The following ZNF462 variants were observed in gnomAD, a reference collection of about 807,000 sequenced individuals.
ZNF462 encodes the protein zinc finger protein 462, also known as zinc finger PBX1-interacting protein.
ZNF462 carries 10 observed loss-of-function variants against 201.9 expected under a neutral mutation model. The observed-to-expected ratio is 0.05, with a 90% CI of 0.03 to 0.08. The LOEUF is 0.08. Among genes scored for constraint, ZNF462 ranks in the 10% least tolerant of loss-of-function variants. ZNF462 has a pLI of 1.00. For synonymous variants in ZNF462, 1,227 were observed against 1,193.3 expected (o/e 1.03, Z -0.58); for missense variants, 2,523 against 3,168.3 (o/e 0.80, Z 4.89).
intron 1 of ZNF462, among the ~76,000 whole-genome samples, chr9:106,867,666 G>T (rs1372181233): frequency 6.6e-6 from 1 of 151,962 alleles, no homozygotes; most frequent in African/African-American, 2.4e-5. Flanking sequence ...ATGGACTTTA[G>T]AGTACTTGTG....
chr9:106,908,935 ATATATATTTTTTTTTTTTTTTTTTTTTTT>A (rs1829413494), intron 1 of ZNF462, among the ~76,000 whole-genome samples: 1 of 31,390 alleles, frequency 3.2e-5, no homozygotes, highest in Non-Finnish European at 5.3e-5. Flanking sequence ...ATATATATAT[ATATATATTTTTTTTTTTTTTTTTTTTTTT>A]TTTTTTTTTT....
chr9:106,964,372 T>C lies in ZNF462; in HGVS notation c.6428-7633T>C, dbSNP rs562499959. On this transcript the variant is annotated intron_variant, in intron 7 of 12. Transcript: ENST00000277225. ...AATCACCATCCTAACTAGGGAATCC[T>C]TTTCAAAATGCCTTAAGCATTTTAA... 2.6e-5 allele frequency among the ~76,000 whole-genome samples: 4 copies of C among 152,176 alleles called. No individual in the cohort carries two copies. The East Asian group carries it at 7.7e-4, about 29-fold the overall frequency.
At chr9:106,939,217 C>A in intron 7 of ZNF462, 110 bp downstream of exon 7, 2 of 1,149,114 alleles carry the variant, frequency 1.7e-6, no homozygotes, top group South Asian at 1.8e-5. Context: ...CATGATGGTT[C>A]AAGTGAAGGA....
At position 106,977,776 on chromosome 9, in the gene ZNF462, C is replaced by T. The variant is rs1827127114; in HGVS notation, c.6832+3503C>T. 6.6e-6 allele frequency among the ~76,000 whole-genome samples: 1 copy of T among 151,506 alleles called. No individual in the cohort carries two copies. Among genetic ancestry groups the T allele is most frequent in the Admixed American group, 6.6e-5 (1 of 15,258 alleles). On this transcript the variant is annotated intron_variant, in intron 9 of 12. Transcript: ENST00000277225. The surrounding 1 kb of genome is among the most constrained non-coding windows in gnomAD (Gnocchi z 4.6). ...AAACTGAGCCATGATAACATTTCAA[C>T]AGGCAGAGAAGACTTAAGGCAGGGC...
intron 1 of ZNF462, among the ~76,000 whole-genome samples, chr9:106,873,729 A>G (rs1827702850): frequency 6.6e-6 from 1 of 152,174 alleles, no homozygotes. Flanking sequence ...ATAGTAAGGA[A>G]GTTCATGGAT....
rs562921343 is a variant in ZNF462 at position 106,947,446 on chromosome 9, AC to A, written c.6427+8341del. Among the ~76,000 whole-genome samples the A allele has an allele frequency of 2.6e-5, 4 of 152,198 alleles. No homozygotes were observed. In the South Asian group the frequency reaches 6.2e-4, roughly 24 times the overall value. On this transcript the variant is annotated intron_variant, in intron 7 of 12. Coordinates refer to ENST00000277225, the MANE Select transcript of ZNF462 (RefSeq NM_021224.6). ...AGATGCAGGACCTTCTAAACTCTTA[AC>A]CTATGTGTTGATTTTTAGCACTGCT...
Position 106,863,799 on chromosome 9 carries a change from TG to T in ZNF462, c.-31+448del, listed in dbSNP as rs956427050. ...AGGCTTAGGACGGATGCTCCGAGTGTGGGGACAGGAGTAGGGACAGAGGGGG... is the reference window on the plus strand; with the variant it reads ...AGGCTTAGGACGGATGCTCCGAGTGTGGGACAGGAGTAGGGACAGAGGGGG... On this transcript the variant is annotated intron_variant, in intron 1 of 12. Transcript: ENST00000277225. 4.6e-5 allele frequency among the ~76,000 whole-genome samples: 5 copies of T among 109,090 alleles called. No homozygotes were observed. The Admixed American group carries it at 5.4e-4, about 12-fold the overall frequency. The allele number at this position is 109,090 out of a possible 152,430, so 71.6% of individuals were successfully genotyped here.
chr9:106,974,321 C>T lies in ZNF462; in HGVS notation c.6832+48C>T. 6.2e-7 allele frequency: 1 copy of T among 1,613,592 alleles called. No individual in the cohort carries two copies. The highest frequency in any genetic ancestry group is 8.5e-7 in the Non-Finnish European group (1 of 1,179,560). On this transcript the variant is annotated intron_variant, in intron 9 of 12. Coordinates refer to ENST00000277225, the MANE Select transcript of ZNF462 (RefSeq NM_021224.6). This position sits in a 1 kb window ranked among gnomAD's most constrained non-coding sequence, Gnocchi z 4.0. ...CTTGGATGCAGCGGGGGGCAGGCAG[C>T]AGAGATGGCCTTCTAGGGATGCTCT...
Position 106,923,381 on chromosome 9 carries a change from A to G in ZNF462, c.-3A>G, listed in dbSNP as rs372161402. The G allele has an allele frequency of 2.5e-6, 4 of 1,613,974 alleles. No individual in the cohort carries two copies. In the African/African-American group the frequency reaches 4.0e-5, roughly 16 times the overall value. Reference sequence around the variant, plus strand: ...TCCTAATGTGAGAGGCTAGACCCAGATCATGGAGGTGCTTCAGTGTGATGG... The same window carrying G: ...TCCTAATGTGAGAGGCTAGACCCAGGTCATGGAGGTGCTTCAGTGTGATGG... On this transcript the variant is annotated 5_prime_UTR_variant, in exon 2 of 13. Transcript: ENST00000277225. The surrounding 1 kb of genome is among the most constrained non-coding windows in gnomAD (Gnocchi z 5.6).
At position 106,926,743 on chromosome 9, in the gene ZNF462, A is replaced by C; in HGVS notation, c.2831A>C (p.Tyr944Ser). ...AATGTTAGAAGCCTGATGCCACATT[A>C]CCAAAGAATGCATCCCACGGTGAAG... ...SPNVRSLMPH[Y>S]QRMHPTVKIN... Residue 944 changes from tyrosine (Y) to serine (S), a missense_variant, in exon 3 of 13, where the codon TAC becomes TCC. Transcript: ENST00000277225. The surrounding 1 kb of genome is among the most constrained non-coding windows in gnomAD (Gnocchi z 7.9). 1 of 1,614,162 alleles carries C rather than the reference A, an allele frequency of 6.2e-7. No homozygotes were observed. The highest frequency in any genetic ancestry group is 8.5e-7 in the Non-Finnish European group (1 of 1,180,026).
At chr9:106,982,653 G>T (rs563125686) in intron 9 of ZNF462, among the ~76,000 whole-genome samples, 156 of 152,282 alleles carry the variant, frequency 1.0e-3, no homozygotes, top group Middle Eastern at 3.4e-3. Flanking sequence ...CTGATTCTTT[G>T]TATAGGGAAA....
intron 1 of ZNF462, among the ~76,000 whole-genome samples, chr9:106,888,374 T>A (rs1163188144): frequency 1.3e-5 from 2 of 152,180 alleles, no homozygotes; most frequent in East Asian, 3.9e-4. Context: ...CAGAGCTCTG[T>A]CATGGTTATC....
chr9:106,973,226 A>T (rs7029055), intron 8 of ZNF462, among the ~76,000 whole-genome samples: 3 of 152,014 alleles, frequency 2.0e-5, no homozygotes, highest in African/African-American at 7.3e-5. Context: ...TTCTGTTCCT[A>T]TTGTAATCAG....
rs1045866784 is a variant in ZNF462, at chr9:106,999,901, C to CA, written c.7057-3392dup. ...TGGGGGTTCAGCTGTAAGTAAGACTCACAGCAAGTCTGTCCTCATAGTTTG... is the reference window on the plus strand; with the variant it reads ...TGGGGGTTCAGCTGTAAGTAAGACTCAACAGCAAGTCTGTCCTCATAGTTTG... On this transcript the variant is annotated intron_variant, in intron 10 of 12. Coordinates refer to ENST00000277225, the MANE Select transcript of ZNF462 (RefSeq NM_021224.6). Among the ~76,000 whole-genome samples the CA allele has an allele frequency of 1.5e-3, 235 of 152,260 alleles. 1 individual carries two copies. Among genetic ancestry groups the CA allele is most frequent in the African/African-American group, 5.5e-3 (227 of 41,574 alleles).
In ZNF462 at chr9:106,962,319, G is replaced by T. The variant is rs1228213309; in HGVS notation, c.6428-9686G>T. Among the ~76,000 whole-genome samples the T allele has an allele frequency of 6.6e-6, 1 of 151,996 alleles. No homozygotes were observed. Among genetic ancestry groups the T allele is most frequent in the Non-Finnish European group, 1.5e-5 (1 of 67,956 alleles). On this transcript the variant is annotated intron_variant, in intron 7 of 12. Coordinates refer to ENST00000277225, the MANE Select transcript of ZNF462 (RefSeq NM_021224.6). The surrounding 1 kb of genome is among the most constrained non-coding windows in gnomAD (Gnocchi z 4.6). ...AATGTGTGGAATGAAAGAGAGAAAT[G>T]AATCAAGGATTTATTCTGATTTCAT...
intron 7 of ZNF462, among the ~76,000 whole-genome samples, chr9:106,967,246 T>C (rs1017282652): frequency 2.0e-5 from 3 of 152,114 alleles, no homozygotes; most frequent in Non-Finnish European, 4.4e-5. Flanking sequence ...AGAAGGCATC[T>C]CTCATGTCTT....
chr9:106,981,912 A>G lies in ZNF462; in HGVS notation c.6833-2274A>G, dbSNP rs1306291590. On this transcript the variant is annotated intron_variant, in intron 9 of 12. Transcript: ENST00000277225. This position sits in a 1 kb window ranked among gnomAD's most constrained non-coding sequence, Gnocchi z 4.0. ...TCAACGGAACCAAGGCAGGCAGGAC[A>G]GGGCAAAGCCAAAGAATGAAAGTAG... Among the ~76,000 whole-genome samples, 1 of 152,228 alleles carries G rather than the reference A, an allele frequency of 6.6e-6. No individual in the cohort carries two copies. The highest frequency in any genetic ancestry group is 1.5e-5 in the Non-Finnish European group (1 of 68,030).
At chr9:106,864,567 AT>A (rs1182945204) in intron 1 of ZNF462, among the ~76,000 whole-genome samples, 2 of 151,972 alleles carry the variant, frequency 1.3e-5, no homozygotes, top group Non-Finnish European at 2.9e-5. Context: ...TCTCACGTTC[AT>A]TCTCCAGGCT....
In ZNF462 at chr9:106,932,315, A is replaced by C. The variant is rs1249255578; in HGVS notation, c.6013-131A>C. The stretch of plus-strand genomic sequence containing the variant: ...TTCCTGGATGGATTGGAAGCAGCCA[A>C]AGACGCCAGTGGCGCCCTGGTGGGC... On this transcript the variant is annotated intron_variant, in intron 4 of 12. Transcript: ENST00000277225. The surrounding 1 kb of genome is among the most constrained non-coding windows in gnomAD (Gnocchi z 6.8). 6.4e-7 allele frequency: 1 copy of C among 1,554,850 alleles called. No individual in the cohort carries two copies. Among genetic ancestry groups the C allele is most frequent in the Non-Finnish European group, 8.7e-7 (1 of 1,148,774 alleles).
Sources: gnomAD v4.1 joint callset for allele counts (sites outside exome capture counted in the v4.1 genomes callset) on GRCh38, gnomAD v4.1.1 for gene constraint, Gnocchi (gnomAD v3.1) non-coding constraint, MANE v1.5 for transcripts, NCBI Gene and HGNC (gene_info 2026-07-23, HGNC 2026-07-21) for gene names.